The following ATP10B variants were observed in gnomAD, a reference collection of about 807,000 sequenced individuals.
The protein encoded by ATP10B is ATPase phospholipid transporting 10B (putative), also known as phospholipid-transporting ATPase VB.
In ATP10B, 122 loss-of-function variants were observed where a neutral mutation model predicts 141.2. That is an observed-to-expected ratio of 0.86 (90% CI 0.75 to 1.00). ATP10B has a LOEUF of 1.00. Among genes scored for constraint, ATP10B ranks in the 50% least tolerant of loss-of-function variants. ATP10B has a pLI of 0.00. For missense variants in ATP10B, 1,876 were observed against 1,825.3 expected, an observed-to-expected ratio of 1.03 and a Z score of -0.51; for synonymous variants, 685 against 692.0, an observed-to-expected ratio of 0.99 and a Z score of 0.16.
At chr5:160,880,958 A>T in the ATP10B span, among the ~76,000 whole-genome samples, 1 of 152,208 alleles carries the variant, frequency 6.6e-6, no homozygotes, top group African/African-American at 2.4e-5. Flanking sequence ...TTAAAATTAA[A>T]AACTTCTGCT....
intron 2 of ATP10B, among the ~76,000 whole-genome samples, chr5:160,724,826 G>C (rs1484897384): frequency 6.6e-6 from 1 of 152,148 alleles, no homozygotes; most frequent in Non-Finnish European, 1.5e-5. Context: ...ATTTAAAACT[G>C]TAAGTTCCCT....
At chr5:160,766,016 C>T (rs1225184463) in intron 2 of ATP10B, among the ~76,000 whole-genome samples, 1 of 151,934 alleles carries the variant, frequency 6.6e-6, no homozygotes, top group Admixed American at 6.6e-5. Flanking sequence ...TACCTCGTTA[C>T]CCCGGAAAGA....
intron 1 of ATP10B, among the ~76,000 whole-genome samples, chr5:160,839,010 C>T (rs1204353744): frequency 2.0e-5 from 3 of 152,158 alleles, no homozygotes; most frequent in African/African-American, 7.2e-5. Flanking sequence ...TCCTGCTTTG[C>T]CTTCCACCAT....
chr5:160,645,116 T>TAAAA (rs55774256), intron 8 of ATP10B, among the ~76,000 whole-genome samples: 2 of 134,446 alleles, frequency 1.5e-5, no homozygotes, highest in Non-Finnish European at 1.6e-5. Context: ...GACTCCATCT[T>TAAAA]AAAAAAAAAA....
At chr5:160,868,743 A>G in the ATP10B span, among the ~76,000 whole-genome samples, 3 of 152,124 alleles carry the variant, frequency 2.0e-5, no homozygotes, top group Admixed American at 6.6e-5. Flanking sequence ...TTGGAATTAC[A>G]CATTAGACAT....
intron 2 of ATP10B, among the ~76,000 whole-genome samples, chr5:160,752,996 T>A (rs757853221): frequency 7.2e-5 from 11 of 152,202 alleles, no homozygotes; most frequent in Non-Finnish European, 1.5e-4. Context: ...AAATTTAGTG[T>A]GAGTAAACAT....
chr5:160,686,355 C>A (rs2127745155), intron 5 of ATP10B, 82 bp from the exon 6 acceptor site: 3 of 1,120,084 alleles, frequency 2.7e-6, no homozygotes, highest in East Asian at 2.7e-5. Flanking sequence ...TACTGTTTGG[C>A]CTTGATCAAT....
intron 1 of ATP10B, among the ~76,000 whole-genome samples, chr5:160,794,622 C>G (rs769027429): frequency 2.6e-5 from 4 of 152,182 alleles, no homozygotes; most frequent in Non-Finnish European, 5.9e-5. Flanking sequence ...GAGGAAGCCT[C>G]ACTTTTCCCA....
intron 18 of ATP10B, chr5:160,611,941 A>G (rs1581198891): frequency 6.6e-6 from 1 of 152,282 alleles, no homozygotes; most frequent in South Asian, 2.1e-4. Flanking sequence ...TCAGCCAAGA[A>G]GATGTGGTGG....
At chr5:160,886,223 A>G in the ATP10B span, among the ~76,000 whole-genome samples, 2,766 of 152,318 alleles carry the variant, frequency 0.018, 83 homozygotes, top group African/African-American at 0.063. Flanking sequence ...AGAGGTGGAT[A>G]AGGCAAAATG....
At chr5:160,808,316 CCCCGGAAA>C (rs1399871581) in intron 1 of ATP10B, among the ~76,000 whole-genome samples, 1 of 152,136 alleles carries the variant, frequency 6.6e-6, no homozygotes, top group Admixed American at 6.6e-5. Context: ...ATTCTGATAT[CCCCGGAAA>C]TGGTGATTGT....
chr5:160,640,612 A>C lies in ATP10B; in HGVS notation c.869-20T>G, dbSNP rs765731386. On this transcript the variant is annotated intron_variant, in intron 9 of 25. Transcript: ENST00000327245. ...CATGGCCTTTGAGAGAAAATGAGGA[A>C]ATCAGTCCCTTAGTTCCTGTTTGCC... 3.1e-6 allele frequency: 5 copies of C among 1,613,532 alleles called. No individual in the cohort carries two copies. The South Asian group carries it at 4.4e-5, about 14-fold the overall frequency.
chr5:160,745,223 A>G (rs1288919420), intron 2 of ATP10B, among the ~76,000 whole-genome samples: 5 of 152,194 alleles, frequency 3.3e-5, no homozygotes, highest in Admixed American at 3.3e-4. Context: ...TCTATGTAGG[A>G]TTTCACTTTT....
At chr5:160,663,180 C>A (rs934011695) in intron 7 of ATP10B, among the ~76,000 whole-genome samples, 1 of 152,162 alleles carries the variant, frequency 6.6e-6, no homozygotes, top group Non-Finnish European at 1.5e-5. Flanking sequence ...AACACTTTTA[C>A]ACTGTTGGTG....
chr5:160,692,919 C>T (rs1157130646), intron 3 of ATP10B: 2 of 152,166 alleles, frequency 1.3e-5, no homozygotes, highest in Non-Finnish European at 2.9e-5. Flanking sequence ...TGATTTGCTG[C>T]ACATATTGGG....
intron 2 of ATP10B, among the ~76,000 whole-genome samples, chr5:160,782,827 TATA>T (rs916312371): frequency 6.6e-6 from 1 of 152,100 alleles, no homozygotes; most frequent in Non-Finnish European, 1.5e-5. Flanking sequence ...GAAAGATATC[TATA>T]ATATTGAGTT....
intron 23 of ATP10B, among the ~76,000 whole-genome samples, 186 bp downstream of exon 23, chr5:160,590,873 G>T (rs1756241111): frequency 6.6e-6 from 1 of 152,186 alleles, no homozygotes; most frequent in East Asian, 1.9e-4. Context: ...AGAGCCAGCA[G>T]AAATCAAAAT....
At chr5:160,810,485 G>C (rs1773080784) in intron 1 of ATP10B, among the ~76,000 whole-genome samples, 1 of 152,032 alleles carries the variant, frequency 6.6e-6, no homozygotes. Flanking sequence ...TTTATGTCTA[G>C]TGCATGGAAA....
intron 6 of ATP10B, among the ~76,000 whole-genome samples, chr5:160,676,987 G>C (rs1204167906): frequency 6.6e-6 from 1 of 152,130 alleles, no homozygotes; most frequent in South Asian, 2.1e-4. Flanking sequence ...CTCTGTTTTG[G>C]AGTGAGGCAT....
Sources: allele counts gnomAD v4.1 joint callset (sites outside exome capture counted in the v4.1 genomes callset), GRCh38; gene constraint gnomAD v4.1.1; transcripts MANE v1.5; gene names NCBI Gene and HGNC (gene_info 2026-07-23, HGNC 2026-07-21).